The following UBE2E2 variants were observed in gnomAD, a reference collection of about 807,000 sequenced individuals.
UBE2E2 encodes the protein ubiquitin-conjugating enzyme E2 E2.
In UBE2E2, 6 loss-of-function variants were observed where a neutral mutation model predicts 24.7. That is an observed-to-expected ratio of 0.24 (90% CI 0.13 to 0.48). The LOEUF (loss-of-function observed/expected upper bound fraction) is 0.48. Among genes scored for constraint, UBE2E2 ranks in the 20% least tolerant of loss-of-function variants. The probability of loss-of-function intolerance (pLI) is 0.99; values close to 1 mark genes in which losing one functional copy is unlikely to be tolerated. For synonymous variants in UBE2E2, 104 were observed against 83.6 expected, an observed-to-expected ratio of 1.24 and a Z score of -1.33; for missense variants, 169 against 245.0, an observed-to-expected ratio of 0.69 and a Z score of 2.07.
intron 4 of UBE2E2, 74 bp downstream of exon 4, chr3:23,499,814 T>G: frequency 6.6e-7 from 1 of 1,517,278 alleles, no homozygotes; most frequent in East Asian, 2.3e-5. Context: ...TTCTTAAATA[T>G]GCATTCTAGG....
rs1433990052 is a variant in UBE2E2, at chr3:23,374,094, C to G, written c.228-125514C>G. On this transcript the variant is annotated intron_variant, in intron 3 of 5. Coordinates refer to ENST00000396703, the MANE Select transcript of UBE2E2 (RefSeq NM_152653.4). ...CACCTAATATTTTAAAATATTAAGT[C>G]AAAATATAATGGTATAAAATCTTTA... is the stretch of plus-strand genomic sequence containing the variant. Among the ~76,000 whole-genome samples, 3 of 152,128 alleles carry G rather than the reference C, an allele frequency of 2.0e-5. No homozygotes were observed. The East Asian group carries it at 5.8e-4, about 29-fold the overall frequency.
At chr3:23,277,858 A>G (rs1698404847) in intron 3 of UBE2E2, among the ~76,000 whole-genome samples, 1 of 152,246 alleles carries the variant, frequency 6.6e-6, no homozygotes, top group South Asian at 2.1e-4. Flanking sequence ...AGTTAATTAC[A>G]TAAGCTTTGA....
At chr3:23,557,797 G>A (rs1695826504) in intron 5 of UBE2E2, among the ~76,000 whole-genome samples, 1 of 152,142 alleles carries the variant, frequency 6.6e-6, no homozygotes, top group Non-Finnish European at 1.5e-5. Context: ...TTTTTCCAAA[G>A]GTAACTTCCC....
intron 3 of UBE2E2, among the ~76,000 whole-genome samples, chr3:23,481,710 A>G (rs1692646): frequency 0.25 from 38,173 of 152,152 alleles, 5,205 homozygotes; most frequent in African/African-American, 0.37. Context: ...ACAACCCAAC[A>G]TGTTAGCAGA....
At chr3:23,323,402 G>T in intron 3 of UBE2E2, 1 of 262,968 alleles carries the variant, frequency 3.8e-6, no homozygotes, top group Non-Finnish European at 7.6e-6. Context: ...GATTTAAGAA[G>T]ACCAATTTGG....
rs144157224 is a variant in UBE2E2, at chr3:23,363,978, A to G, written c.228-135630A>G. Among the ~76,000 whole-genome samples, 99 of 152,262 alleles carry G rather than the reference A, an allele frequency of 6.5e-4. 5 individuals carry two copies. In the East Asian group the frequency reaches 0.016, roughly 24 times the overall value. On this transcript the variant is annotated intron_variant, in intron 3 of 5. Coordinates refer to ENST00000396703, the MANE Select transcript of UBE2E2 (RefSeq NM_152653.4). ...CAAAGCACAATAAAAATAGAAATCA[A>G]TACTAAGAAAATTGCTCAAAAGCAT...
intron 3 of UBE2E2, among the ~76,000 whole-genome samples, chr3:23,295,934 T>G (rs182287179): frequency 6.6e-6 from 1 of 152,186 alleles, no homozygotes; most frequent in East Asian, 1.9e-4. Flanking sequence ...TTAGAAACTA[T>G]TTTTTAAACA....
chr3:23,512,832 C>T (rs1282510007), intron 4 of UBE2E2, among the ~76,000 whole-genome samples: 3 of 152,110 alleles, frequency 2.0e-5, no homozygotes, highest in Non-Finnish European at 4.4e-5. Context: ...GTAATTCCAG[C>T]TACTCAGTAG....
rs1238656454 is a variant in UBE2E2, at chr3:23,246,425, C to T, written c.227+29113C>T. 6.8e-5 allele frequency among the ~76,000 whole-genome samples: 9 copies of T among 131,492 alleles called. No homozygotes were observed. In the South Asian group the frequency reaches 9.8e-4, roughly 14 times the overall value. 86.3% of individuals were successfully genotyped at this position (131,492 alleles called of 152,430 possible). On this transcript the variant is annotated intron_variant, in intron 3 of 5. Transcript: ENST00000396703. Reference sequence around the variant, plus strand: ...TTTTTTTTTGTATTTTTAGTAGACACGGGGTTTCAGTATGTTGGCCAGGAT... The same window carrying T: ...TTTTTTTTTGTATTTTTAGTAGACATGGGGTTTCAGTATGTTGGCCAGGAT...
intron 1 of UBE2E2, among the ~76,000 whole-genome samples, chr3:23,204,035 G>T (rs986981152): frequency 6.6e-6 from 1 of 151,882 alleles, no homozygotes; most frequent in Non-Finnish European, 1.5e-5. Context: ...GATGCCTGGC[G>T]CTTGTCACAG....
chr3:23,350,013 G>A (rs553171062), intron 3 of UBE2E2, among the ~76,000 whole-genome samples: 9 of 152,248 alleles, frequency 5.9e-5, no homozygotes, highest in African/African-American at 1.4e-4. Context: ...CACCTCACAC[G>A]GCCAGGTACT....
At chr3:23,300,139 G>A (rs1013025682) in intron 3 of UBE2E2, among the ~76,000 whole-genome samples, 1 of 152,180 alleles carries the variant, frequency 6.6e-6, no homozygotes, top group Non-Finnish European at 1.5e-5. Context: ...TTGCTTGGTA[G>A]ATCTTCCTCC....
At chr3:23,334,862 A>G (rs1349125773) in intron 3 of UBE2E2, among the ~76,000 whole-genome samples, 1 of 152,218 alleles carries the variant, frequency 6.6e-6, no homozygotes, top group African/African-American at 2.4e-5. Flanking sequence ...AGCTATTGAT[A>G]TGTGAATTAT....
intron 3 of UBE2E2, among the ~76,000 whole-genome samples, chr3:23,338,840 A>T (rs774264514): frequency 6.6e-6 from 1 of 152,230 alleles, no homozygotes; most frequent in African/African-American, 2.4e-5. Context: ...AATTCCAATT[A>T]GTAAATGAAG....
At chr3:23,266,615 G>T (rs1480278810) in intron 3 of UBE2E2, among the ~76,000 whole-genome samples, 2 of 152,084 alleles carry the variant, frequency 1.3e-5, no homozygotes, top group East Asian at 3.9e-4. Flanking sequence ...TGACAATTAT[G>T]TGTCTTGGAG....
intron 5 of UBE2E2, among the ~76,000 whole-genome samples, chr3:23,562,224 T>G (rs1185430004): frequency 6.6e-6 from 1 of 152,136 alleles, no homozygotes; most frequent in African/African-American, 2.4e-5. Flanking sequence ...ATAGCTCTTA[T>G]TATTTTGAGA....
intron 3 of UBE2E2, among the ~76,000 whole-genome samples, chr3:23,425,921 T>C (rs1246408241): frequency 2.0e-5 from 3 of 152,188 alleles, no homozygotes; most frequent in Non-Finnish European, 4.4e-5. Context: ...CAGATTCAGA[T>C]ATGGCAGGGC....
At chr3:23,462,538 A>G (rs777111763) in intron 3 of UBE2E2, among the ~76,000 whole-genome samples, 2 of 152,092 alleles carry the variant, frequency 1.3e-5, no homozygotes, top group Admixed American at 1.3e-4. Flanking sequence ...TCTTCACCCC[A>G]GCACAGTCCT....
At chr3:23,465,513 G>C (rs921720767) in intron 3 of UBE2E2, among the ~76,000 whole-genome samples, 1 of 152,212 alleles carries the variant, frequency 6.6e-6, no homozygotes, top group African/African-American at 2.4e-5. Flanking sequence ...TTCATTACCT[G>C]ACTTGAATGC....
Sources: gnomAD v4.1 joint callset for allele counts (sites outside exome capture counted in the v4.1 genomes callset) on GRCh38, gnomAD v4.1.1 for gene constraint, MANE v1.5 for transcripts, NCBI Gene and HGNC (gene_info 2026-07-23, HGNC 2026-07-21) for gene names.